Variants in AGMO observed in about 807,000 individuals in gnomAD.
The protein encoded by AGMO is alkylglycerol monooxygenase.
Under a neutral mutation model 60.2 loss-of-function variants are expected in AGMO, and 75 were observed. The observed-to-expected ratio is 1.25, with a 90% CI of 1.03 to 1.51. AGMO has a LOEUF of 1.51. Ranked by LOEUF, AGMO falls within the 40% of genes most tolerant of loss-of-function variation. The pLI is 0.00. For missense variants in AGMO, 763 were observed against 525.5 expected (o/e 1.45, Z -4.42); for synonymous variants, 261 against 177.1 (o/e 1.47, Z -3.76).
At chr7:15,524,753 A>G (rs1784079901) in intron 3 of AGMO, among the ~76,000 whole-genome samples, 1 of 151,644 alleles carries the variant, frequency 6.6e-6, no homozygotes, top group Non-Finnish European at 1.5e-5. Context: ...TCCCAGTTAC[A>G]TGGGAGGCTG....
chr7:15,234,508 C>T (rs1392361900), intron 12 of AGMO, among the ~76,000 whole-genome samples: 1 of 152,172 alleles, frequency 6.6e-6, no homozygotes, highest in Non-Finnish European at 1.5e-5. Flanking sequence ...TAATGACACA[C>T]CCACGTTTAA....
intron 2 of AGMO, among the ~76,000 whole-genome samples, chr7:15,546,627 CCA>C (rs1451508345): frequency 5.3e-5 from 8 of 152,172 alleles, no homozygotes; most frequent in African/African-American, 1.9e-4. Flanking sequence ...TCTGGGATGT[CCA>C]CACACAGGTG....
At chr7:15,545,333 A>G (rs1022454617) in intron 2 of AGMO, among the ~76,000 whole-genome samples, 1 of 152,154 alleles carries the variant, frequency 6.6e-6, no homozygotes, top group Admixed American at 6.5e-5. Flanking sequence ...AAGGCAGAAA[A>G]TTATACATGC....
intron 12 of AGMO, among the ~76,000 whole-genome samples, chr7:15,283,914 C>G (rs1258565056): frequency 6.6e-6 from 1 of 151,932 alleles, no homozygotes; most frequent in Admixed American, 6.6e-5. Flanking sequence ...AACTAGAAAT[C>G]AACTCCAAAA....
the AGMO span, among the ~76,000 whole-genome samples, chr7:15,141,511 G>A: frequency 6.6e-6 from 1 of 152,198 alleles, no homozygotes; most frequent in South Asian, 2.1e-4. Context: ...GCTTGAACCC[G>A]GGAGGCAGCG....
At chr7:15,454,810 T>G (rs559081710) in intron 3 of AGMO, among the ~76,000 whole-genome samples, 41 of 152,222 alleles carry the variant, frequency 2.7e-4, no homozygotes, top group Middle Eastern at 3.4e-3. Context: ...GTAATACATA[T>G]TGCAGTTTTA....
At chr7:15,201,395 G>C (rs755900292) in intron 12 of AGMO, 36 bp from the exon 13 acceptor site, 20 of 1,474,276 alleles carry the variant, frequency 1.4e-5, no homozygotes, top group African/African-American at 2.8e-5. Context: ...AAAAAAATTA[G>C]AAGTGAATCA....
intron 3 of AGMO, among the ~76,000 whole-genome samples, chr7:15,507,994 T>C (rs1451285633): frequency 6.6e-6 from 1 of 152,036 alleles, no homozygotes; most frequent in African/African-American, 2.4e-5. Context: ...AAATGTACCG[T>C]AATAAAATTT....
intron 2 of AGMO, among the ~76,000 whole-genome samples, chr7:15,553,591 C>A (rs1785040139): frequency 6.6e-6 from 1 of 151,836 alleles, no homozygotes; most frequent in African/African-American, 2.4e-5. Flanking sequence ...CAGTTTAATA[C>A]CTTTTTTAAA....
At chr7:15,513,280 T>C (rs912458695) in intron 3 of AGMO, among the ~76,000 whole-genome samples, 2 of 100,346 alleles carry the variant, frequency 2.0e-5, no homozygotes, top group Non-Finnish European at 4.0e-5. Context: ...ATCAGATACC[T>C]ATAGCACAAC....
the AGMO span, among the ~76,000 whole-genome samples, chr7:15,135,215 G>A: frequency 6.6e-6 from 1 of 151,602 alleles, no homozygotes; most frequent in Non-Finnish European, 1.5e-5. Context: ...GCATATACGT[G>A]TGCCTATAGT....
At chr7:15,221,563 T>C (rs962573195) in intron 12 of AGMO, among the ~76,000 whole-genome samples, 6 of 152,126 alleles carry the variant, frequency 3.9e-5, no homozygotes, top group African/African-American at 1.4e-4. Flanking sequence ...TTCACAGCAG[T>C]CAACTCTGAT....
At chr7:15,432,511 G>A (rs1370160819) in intron 3 of AGMO, among the ~76,000 whole-genome samples, 2 of 151,278 alleles carry the variant, frequency 1.3e-5, no homozygotes, top group African/African-American at 4.8e-5. Flanking sequence ...ATAGATATAA[G>A]AAGGACTTAA....
intron 12 of AGMO, among the ~76,000 whole-genome samples, chr7:15,259,701 G>T (rs1040011180): frequency 4.6e-5 from 7 of 151,922 alleles, no homozygotes; most frequent in African/African-American, 1.7e-4. Flanking sequence ...CAGATTAACC[G>T]CAGGTTTCTC....
chr7:15,351,556 G>A (rs1459955730), intron 12 of AGMO, among the ~76,000 whole-genome samples: 3 of 152,098 alleles, frequency 2.0e-5, no homozygotes, highest in Non-Finnish European at 4.4e-5. Context: ...TATCATGTGC[G>A]TATCATGTAC....
chr7:15,506,664 T>C (rs1783519703), intron 3 of AGMO, among the ~76,000 whole-genome samples: 1 of 152,098 alleles, frequency 6.6e-6, no homozygotes. Flanking sequence ...GAAATAGTCT[T>C]CTTCATCTGC....
intron 5 of AGMO, among the ~76,000 whole-genome samples, chr7:15,397,129 C>T (rs2128488364): frequency 6.6e-6 from 1 of 152,262 alleles, no homozygotes; most frequent in Non-Finnish European, 1.5e-5. Flanking sequence ...CCTGGGCACT[C>T]CCGCAGCCCA....
chr7:15,385,537 G>A lies in AGMO; in HGVS notation c.983C>T (p.Ser328Leu). The part of the protein sequence containing the change: ...PEVTGKEVPF[S>L]SSSSQLLKIY... Reference sequence around the variant, plus strand: ...CTTTAATAGCTGAGATGAAGATGATGAGAAGGGAACTTCTTTGCCGGTGAC... The same window carrying A: ...CTTTAATAGCTGAGATGAAGATGATAAGAAGGGAACTTCTTTGCCGGTGAC... Residue 328 changes from serine (S) to leucine (L), a missense_variant, in exon 10 of 13, where the codon TCA becomes TTA. Transcript: ENST00000342526. 1 of 1,612,374 alleles carries A rather than the reference G, an allele frequency of 6.2e-7. No individual in the cohort carries two copies. The highest frequency in any genetic ancestry group is 1.7e-5 in the Admixed American group (1 of 59,942).
chr7:15,193,168 A>G, the AGMO span, among the ~76,000 whole-genome samples: 1 of 152,142 alleles, frequency 6.6e-6, no homozygotes, highest in Non-Finnish European at 1.5e-5. Context: ...TCTGCATAAC[A>G]CTTATATTCT....
Sources: gnomAD v4.1 joint callset for allele counts (sites outside exome capture counted in the v4.1 genomes callset) on GRCh38, gnomAD v4.1.1 for gene constraint, MANE v1.5 for transcripts, NCBI Gene and HGNC (gene_info 2026-07-23, HGNC 2026-07-21) for gene names.